OPCML: variants seen among roughly 807,000 people sequenced by gnomAD.
OPCML encodes the protein opioid binding protein/cell adhesion molecule like.
OPCML carries 13 observed loss-of-function variants against 37.8 expected under a neutral mutation model. The observed-to-expected ratio is 0.34, with a 90% CI of 0.22 to 0.55. The LOEUF is 0.55. OPCML is among the 20% of genes least tolerant of loss of function. The pLI is 0.91. For synonymous variants in OPCML, 176 were observed against 168.8 expected, an observed-to-expected ratio of 1.04 and a Z score of -0.33; for missense variants, 341 against 435.6, an observed-to-expected ratio of 0.78 and a Z score of 1.93.
intron 1 of OPCML, among the ~76,000 whole-genome samples, chr11:133,137,740 G>T (rs1014677030): frequency 6.6e-6 from 1 of 152,136 alleles, no homozygotes; most frequent in Non-Finnish European, 1.5e-5. Flanking sequence ...GAACCTAAAG[G>T]TTGTCATTGT....
chr11:132,830,620 G>A (rs912908507), intron 2 of OPCML, among the ~76,000 whole-genome samples: 2 of 152,168 alleles, frequency 1.3e-5, no homozygotes, highest in Admixed American at 1.3e-4. Context: ...GACAACACCA[G>A]GAGGTGCTGG....
At chr11:132,674,382 G>A (rs954847272) in intron 2 of OPCML, among the ~76,000 whole-genome samples, 3 of 152,196 alleles carry the variant, frequency 2.0e-5, no homozygotes, top group African/African-American at 4.8e-5. Flanking sequence ...ACAGATGGCA[G>A]GAGAGGAAAC....
At chr11:133,114,682 A>G (rs1441722059) in intron 1 of OPCML, among the ~76,000 whole-genome samples, 1 of 151,158 alleles carries the variant, frequency 6.6e-6, no homozygotes, top group Non-Finnish European at 1.5e-5. Flanking sequence ...CCAGAAAGAT[A>G]GAAATTTGCA....
chr11:133,326,985 G>A (rs186939184), intron 1 of OPCML, among the ~76,000 whole-genome samples: 13 of 143,622 alleles, frequency 9.1e-5, no homozygotes, highest in African/African-American at 3.4e-4. Context: ...GTGTGTGTAT[G>A]TGGGTGAGGG....
At chr11:132,944,284 G>T (rs1451216217) in intron 1 of OPCML, among the ~76,000 whole-genome samples, 2 of 152,162 alleles carry the variant, frequency 1.3e-5, no homozygotes, top group African/African-American at 2.4e-5. Context: ...TTCCCTCGCC[G>T]ATGCCAGCGC....
At chr11:133,458,155 T>A (rs557479908) in intron 1 of OPCML, among the ~76,000 whole-genome samples, 20 of 149,804 alleles carry the variant, frequency 1.3e-4, no homozygotes, top group Middle Eastern at 3.5e-3. Context: ...TGAGAAAAAA[T>A]ATATATATAC....
At chr11:133,452,562 C>T (rs1304375315) in intron 1 of OPCML, among the ~76,000 whole-genome samples, 1 of 151,380 alleles carries the variant, frequency 6.6e-6, no homozygotes, top group Non-Finnish European at 1.5e-5. Flanking sequence ...CTTGTAGTTC[C>T]AGCACTTTGG....
intron 1 of OPCML, among the ~76,000 whole-genome samples, chr11:133,474,979 A>G (rs1046613980): frequency 6.6e-6 from 1 of 152,148 alleles, no homozygotes; most frequent in African/African-American, 2.4e-5. Context: ...CCTGCCAAGC[A>G]GTGCAGGCAC....
chr11:133,069,746 A>T (rs1591971975), intron 1 of OPCML, among the ~76,000 whole-genome samples: 1 of 152,328 alleles, frequency 6.6e-6, no homozygotes, highest in East Asian at 1.9e-4. Flanking sequence ...GGTATCACAA[A>T]CACAAAGGCA....
At chr11:132,657,551 A>G (rs1941769248) in intron 2 of OPCML, 3 of 442,226 alleles carry the variant, frequency 6.8e-6, no homozygotes, top group Non-Finnish European at 9.0e-6. Context: ...TTCGAGACAT[A>G]TTATGTATCT....
At chr11:133,310,154 G>A (rs765039146) in intron 1 of OPCML, among the ~76,000 whole-genome samples, 2 of 152,150 alleles carry the variant, frequency 1.3e-5, no homozygotes, top group African/African-American at 2.4e-5. Flanking sequence ...ACTCTTGTTC[G>A]CACAAATCTG....
chr11:133,375,972 A>G (rs1239095406), intron 1 of OPCML, among the ~76,000 whole-genome samples: 1 of 152,246 alleles, frequency 6.6e-6, no homozygotes, highest in Non-Finnish European at 1.5e-5. Context: ...TTCAAGGAAC[A>G]GAGCCAGGGA....
intron 1 of OPCML, among the ~76,000 whole-genome samples, chr11:133,326,278 TG>T (rs1943447101): frequency 2.7e-5 from 2 of 75,374 alleles, no homozygotes; most frequent in African/African-American, 6.9e-5. Context: ...TGTATGTGTG[TG>T]GGGGTGTGGG....
intron 7 of OPCML, among the ~76,000 whole-genome samples, chr11:132,430,331 G>T (rs948318362): frequency 3.3e-5 from 5 of 152,144 alleles, no homozygotes; most frequent in African/African-American, 1.2e-4. Context: ...GGCGATGAGG[G>T]CTCTGCCCAT....
At chr11:132,448,551 C>T (rs965784901) in intron 4 of OPCML, among the ~76,000 whole-genome samples, 1 of 152,206 alleles carries the variant, frequency 6.6e-6, no homozygotes, top group Non-Finnish European at 1.5e-5. Flanking sequence ...GGGCAGGGGT[C>T]CCTTTGAAAA....
intron 1 of OPCML, among the ~76,000 whole-genome samples, chr11:133,321,962 A>T (rs539792332): frequency 2.0e-4 from 30 of 152,312 alleles, no homozygotes; most frequent in South Asian, 4.1e-4. Flanking sequence ...CGAACAGCAG[A>T]AGTCTTCTGC....
chr11:132,738,950 A>T (rs1380927756), intron 2 of OPCML, among the ~76,000 whole-genome samples: 5 of 152,152 alleles, frequency 3.3e-5, no homozygotes, highest in Non-Finnish European at 7.3e-5. Flanking sequence ...GATGATTTTG[A>T]GCTGAAAACA....
At chr11:132,655,149 G>A (rs1332973715) in intron 3 of OPCML, among the ~76,000 whole-genome samples, 2 of 152,212 alleles carry the variant, frequency 1.3e-5, no homozygotes, top group Non-Finnish European at 1.5e-5. Flanking sequence ...CTTGAAAAGG[G>A]ATAGGCTTGC....
intron 1 of OPCML, among the ~76,000 whole-genome samples, chr11:133,356,165 T>G (rs1434846075): frequency 6.6e-6 from 1 of 152,222 alleles, no homozygotes; most frequent in Non-Finnish European, 1.5e-5. Flanking sequence ...AGCATGATTC[T>G]TTAGGCAGCT....
Sources: allele counts gnomAD v4.1 joint callset (sites outside exome capture counted in the v4.1 genomes callset), GRCh38; gene constraint gnomAD v4.1.1; transcripts MANE v1.5; gene names NCBI Gene and HGNC (gene_info 2026-07-23, HGNC 2026-07-21).